Variants in TRIM9 observed in about 807,000 individuals in gnomAD.
TRIM9 encodes E3 ubiquitin-protein ligase TRIM9.
TRIM9 carries 26 observed loss-of-function variants against 78.3 expected under a neutral mutation model. The observed-to-expected ratio is 0.33, with a 90% CI of 0.24 to 0.46. The LOEUF (loss-of-function observed/expected upper bound fraction) is 0.46, where lower values mean the gene tolerates loss of function less well. Among genes scored for constraint, TRIM9 ranks in the 20% least tolerant of loss-of-function variants. The pLI, the probability that TRIM9 is intolerant of heterozygous loss-of-function variation, is 1.00. For synonymous variants in TRIM9, 398 were observed against 416.5 expected (o/e 0.96, Z 0.54); for missense variants, 787 against 1,036.4 (o/e 0.76, Z 3.30).
chr14:51,059,801 A>G (rs2061188706), intron 1 of TRIM9, among the ~76,000 whole-genome samples: 1 of 151,660 alleles, frequency 6.6e-6, no homozygotes, highest in South Asian at 2.1e-4. Flanking sequence ...CTGTCTCAAA[A>G]AAAAAAAAAC....
chr14:51,094,863 G>A lies in TRIM9; in HGVS notation c.77C>T (p.Ser26Phe). Residue 26 changes from serine (S) to phenylalanine (F), a missense_variant, in exon 1 of 13, where the codon TCT (serine) becomes TTT (phenylalanine). Ser to Phe is a radical substitution (Grantham distance 155). Around this residue, in one of 3 missense-constraint regions of TRIM9, gnomAD observed 352 missense variants for 472.3 expected, o/e 0.75. Transcript: ENST00000684578. Reference protein sequence around the residue: ...FYREPIILPCSHNLCQACARN... With the variant: ...FYREPIILPCFHNLCQACARN... ...GGCGCACGCCTGACACAAATTGTGAGAGCAGGGCAGGATGATGGGCTCCCG... is the reference window on the plus strand; with the variant it reads ...GGCGCACGCCTGACACAAATTGTGAAAGCAGGGCAGGATGATGGGCTCCCG... 1 of 1,530,238 alleles carries A rather than the reference G, an allele frequency of 6.5e-7. No individual in the cohort carries two copies. The allele number at this position is 1,530,238 out of a possible 1,614,324, so 94.8% of individuals were successfully genotyped here. A position where few individuals can be genotyped will look rare whatever the true frequency, so the allele number is the denominator to read the frequency against.
intron 1 of TRIM9, among the ~76,000 whole-genome samples, chr14:51,080,436 AACACACACACACACACACAC>A (rs34062978): frequency 5.6e-5 from 8 of 144,028 alleles, no homozygotes; most frequent in East Asian, 4.2e-4. Context: ...AGTTTTATTG[AACACACACACACACACACAC>A]ACACACACAC....
chr14:51,033,037 T>C (rs2058862970), intron 1 of TRIM9, among the ~76,000 whole-genome samples: 1 of 152,212 alleles, frequency 6.6e-6, no homozygotes, highest in South Asian at 2.1e-4. Flanking sequence ...GAAACACTAC[T>C]GGTCCTAATC....
chr14:51,046,733 T>C (rs2059978893), intron 1 of TRIM9, among the ~76,000 whole-genome samples: 1 of 152,208 alleles, frequency 6.6e-6, no homozygotes, highest in Admixed American at 6.5e-5. Flanking sequence ...TTCCCATGTA[T>C]TACCCGTAAA....
chr14:51,002,681 T>G (rs1444348896), intron 5 of TRIM9, among the ~76,000 whole-genome samples: 1 of 152,192 alleles, frequency 6.6e-6, no homozygotes, highest in African/African-American at 2.4e-5. Flanking sequence ...TGTTTAATTT[T>G]ACAGCAGTTT....
intron 3 of TRIM9, among the ~76,000 whole-genome samples, chr14:51,018,472 C>T (rs12894623): frequency 0.04 from 6,136 of 152,066 alleles, 169 homozygotes; most frequent in Middle Eastern, 0.14. Context: ...CAATAATATC[C>T]GTAACGTAAA....
intron 12 of TRIM9, 136 bp downstream of exon 12, chr14:50,979,251 C>T (rs2275463): frequency 6.5e-7 from 1 of 1,528,330 alleles, no homozygotes; most frequent in South Asian, 1.2e-5. Flanking sequence ...ATCCCTTTCT[C>T]TCCTCCTCTC....
rs565032018 is a variant in TRIM9 at position 51,000,800 on chromosome 14, C to T, written c.1347G>A (p.Glu449=). 2.0e-5 allele frequency: 32 copies of T among 1,614,202 alleles called. No homozygotes were observed. In the South Asian group the frequency reaches 2.7e-4, roughly 14 times the overall value. ...PVPATPILQL[E]ECCTHNNSAT... ...CGCTGTTGTTGTGGGTACAACATTC[C>T]TCCAGCTGTAGGATAGGGGTTGCTG... Residue 449 remains glutamate, a synonymous_variant, in exon 6 of 13, where the codon GAG becomes GAA. Coordinates refer to ENST00000684578, the MANE Select transcript of TRIM9 (RefSeq NM_001387360.1).
intron 7 of TRIM9, among the ~76,000 whole-genome samples, chr14:50,994,054 A>G (rs12881774): frequency 0.079 from 12,055 of 152,248 alleles, 621 homozygotes; most frequent in Middle Eastern, 0.18. Flanking sequence ...GGATCTTGAG[A>G]TGGGGGGATT....
chr14:51,045,714 G>A (rs757929372), intron 1 of TRIM9, among the ~76,000 whole-genome samples: 1 of 152,128 alleles, frequency 6.6e-6, no homozygotes, highest in Admixed American at 6.5e-5. Flanking sequence ...TCAGAAAAAG[G>A]AAATTCAATG....
At chr14:51,040,116 G>A (rs11847472) in intron 1 of TRIM9, among the ~76,000 whole-genome samples, 17,005 of 152,168 alleles carry the variant, frequency 0.11, 1,473 homozygotes, top group African/African-American at 0.23. Context: ...TAAAGTATAT[G>A]CGGATAAAGT....
intron 1 of TRIM9, chr14:51,089,385 G>C (rs569496797): frequency 6.6e-6 from 1 of 152,352 alleles, no homozygotes; most frequent in African/African-American, 2.4e-5. Flanking sequence ...GGTGAGGAAA[G>C]TGCAATTTAT....
intron 1 of TRIM9, chr14:51,089,045 C>T (rs1057506944): frequency 6.6e-6 from 1 of 151,058 alleles, no homozygotes; most frequent in Non-Finnish European, 1.5e-5. Flanking sequence ...AAATTAGATG[C>T]CATTATAATT....
In TRIM9 at chr14:50,998,137, T is replaced by C. The variant is rs759690144; in HGVS notation, c.1516A>G (p.Asn506Asp). The C allele has an allele frequency of 3.2e-5, 52 of 1,614,072 alleles. No homozygotes were observed. The East Asian group carries it at 1.1e-3, about 35-fold the overall frequency. ...TTGACCCGAGCGTTGTATGTGCTGTTGAAGTGAAGACCATCCACAGTGCAC... is the reference window on the plus strand; with the variant it reads ...TTGACCCGAGCGTTGTATGTGCTGTCGAAGTGAAGACCATCCACAGTGCAC... The part of the protein sequence containing the change: ...TMCTVDGLHF[N>D]STYNARVKAF... Residue 506 changes from asparagine to aspartate, a missense_variant, in exon 7 of 13, where the codon AAC becomes GAC. By Grantham distance (23) the Asn-to-Asp change is conservative (BLOSUM62 1). Transcript: ENST00000684578.
chr14:51,079,355 T>C (rs2063097682), intron 1 of TRIM9, among the ~76,000 whole-genome samples: 1 of 152,228 alleles, frequency 6.6e-6, no homozygotes, highest in South Asian at 2.1e-4. Flanking sequence ...CAGATGGAAT[T>C]CATAAATTAT....
chr14:51,022,314 T>G lies in TRIM9; in HGVS notation c.1041+521A>C, dbSNP rs542690607. On this transcript the variant is annotated intron_variant, in intron 3 of 12. Transcript: ENST00000684578. ...GGGCTCCCAATAAAAGGTTGAAGTT[T>G]GGCTCTTATCCTCTCATTTCCCATG... 7.9e-5 allele frequency among the ~76,000 whole-genome samples: 12 copies of G among 152,330 alleles called. No homozygotes were observed. In the East Asian group the frequency reaches 2.3e-3, roughly 29 times the overall value.
intron 5 of TRIM9, among the ~76,000 whole-genome samples, chr14:51,003,042 G>A (rs1241122098): frequency 2.6e-5 from 4 of 152,112 alleles, no homozygotes; most frequent in Non-Finnish European, 5.9e-5. Context: ...ATAAACTACA[G>A]GACTGGTTGG....
intron 1 of TRIM9, among the ~76,000 whole-genome samples, chr14:51,073,528 A>G (rs1431337708): frequency 6.6e-6 from 1 of 152,242 alleles, no homozygotes; most frequent in Non-Finnish European, 1.5e-5. Context: ...TCTTTGAGCA[A>G]GAGAAGCCAT....
chr14:51,077,796 CT>C (rs1436591858), intron 1 of TRIM9, among the ~76,000 whole-genome samples: 2 of 152,202 alleles, frequency 1.3e-5, no homozygotes, highest in East Asian at 3.8e-4. Context: ...TATAGCAAGC[CT>C]TGTTTCAGCA....
Sources: allele counts gnomAD v4.1 joint callset (sites outside exome capture counted in the v4.1 genomes callset), GRCh38; gene constraint gnomAD v4.1.1; regional missense constraint gnomAD v4.1.1; transcripts MANE v1.5; gene names NCBI Gene and HGNC (gene_info 2026-07-23, HGNC 2026-07-21).